RHOXF1: variants seen among roughly 807,000 people sequenced by gnomAD.
RHOXF1 encodes PEPP subfamily gene 1.
A neutral mutation model predicts 9.7 loss-of-function variants in RHOXF1; 1 was observed. The ratio of observed to expected loss-of-function variants is 0.10; its 90% CI spans 0.04 to 0.49. RHOXF1 has a LOEUF of 0.49. Ranked by LOEUF, RHOXF1 falls within the 20% of genes least tolerant of loss-of-function variation. The pLI, the probability that RHOXF1 is intolerant of heterozygous loss-of-function variation, is 0.95. For synonymous variants in RHOXF1, 72 were observed against 70.2 expected, an observed-to-expected ratio of 1.03 and a Z score of -0.13; for missense variants, 179 against 168.0, an observed-to-expected ratio of 1.07 and a Z score of -0.36.
rs911626698 is a variant in RHOXF1 at position 120,112,498 on chromosome X, C to T, written c.444+371G>A. On this transcript the variant is annotated intron_variant, in intron 2 of 2. Transcript: ENST00000217999. ...ACATATATGTGTTATATATAATACA[C>T]ATATATGTATTATATATAATACACA... Among the ~76,000 whole-genome samples the T allele has an allele frequency of 5.2e-4, 31 of 59,293 alleles. 1 individual carries two copies. The highest frequency in any genetic ancestry group is 2.4e-3 in the African/African-American group (30 of 12,409). 51.5% of individuals were successfully genotyped at this position (59,293 alleles called of 115,157 possible).
upstream of RHOXF1, chrX:120,119,840 CTT>C (rs1176101241): frequency 1.8e-5 from 2 of 111,428 alleles, no homozygotes; most frequent in African/African-American, 3.3e-5. Flanking sequence ...TGTTTAATCA[CTT>C]TTTTTTAAGC....
chrX:120,116,093 T>G (rs868981068), upstream of RHOXF1, among the ~76,000 whole-genome samples: 2 of 8,413 alleles, frequency 2.4e-4, no homozygotes, highest in Non-Finnish European at 2.1e-4. Flanking sequence ...GGGTTGTGAG[T>G]GTGGGGTGGG....
chrX:120,112,932 C>T lies in RHOXF1; in HGVS notation c.399-18G>A. ...GTTCCCTTCTGTGGAGAGAAGATCA[C>T]ACATGGTTAGTATTCAAAGTTGTGG... On this transcript the variant is annotated intron_variant, in intron 1 of 2. Transcript: ENST00000217999. The T allele has an allele frequency of 8.9e-7, 1 of 1,124,204 alleles. No homozygotes were observed. Among genetic ancestry groups the T allele is most frequent in the Non-Finnish European group, 1.2e-6 (1 of 819,996 alleles). The allele number at this position is 1,124,204 out of a possible 1,213,427, so 92.6% of individuals were successfully genotyped here. A position where few individuals can be genotyped will look rare whatever the true frequency, so the allele number is the denominator to read the frequency against.
At chrX:120,116,272 T>G (rs868942631), upstream of RHOXF1, 1 of 8,915 alleles carries the variant, frequency 1.1e-4, no homozygotes, top group African/African-American at 4.6e-4. Flanking sequence ...GGGTGCGTGG[T>G]GGGGGTAGGG....
At chrX:120,115,120 T>C (rs1603391035) in intron 1 of RHOXF1, among the ~76,000 whole-genome samples, 1 of 111,581 alleles carries the variant, frequency 9.0e-6, no homozygotes, top group Admixed American at 9.4e-5. Context: ...CTTGGCAAGA[T>C]GAGAAGAATT....
upstream of RHOXF1, chrX:120,117,940 C>G (rs1219831424): frequency 9.0e-6 from 1 of 111,283 alleles, no homozygotes; most frequent in Non-Finnish European, 1.9e-5. Flanking sequence ...AACAGTGTCT[C>G]GATCATAGGG....
chrX:120,109,755 T>C (rs960502983), intron 2 of RHOXF1, among the ~76,000 whole-genome samples: 4 of 110,124 alleles, frequency 3.6e-5, no homozygotes, highest in Non-Finnish European at 7.6e-5. Context: ...CCCAGCTGTT[T>C]TAATTTTTCT....
intron 1 of RHOXF1, among the ~76,000 whole-genome samples, chrX:120,115,205 G>A (rs1354420777): frequency 8.9e-6 from 1 of 111,903 alleles, no homozygotes; most frequent in African/African-American, 3.3e-5. Context: ...GGTTTGGACG[G>A]TAAATTTCAT....
chrX:120,119,541 T>C (rs2057308858), upstream of RHOXF1: 1 of 112,300 alleles, frequency 8.9e-6, no homozygotes, highest in African/African-American at 3.2e-5. Context: ...AACACTCACC[T>C]AAGATGCCTA....
chrX:120,115,540 G>A lies in RHOXF1; in HGVS notation c.323C>T (p.Thr108Met), dbSNP rs1385779747. Residue 108 changes from threonine to methionine, a missense_variant, in exon 1 of 3, where the codon ACG becomes ATG. Thr to Met is a moderately conservative substitution (Grantham distance 81). Coordinates refer to ENST00000217999, the MANE Select transcript of RHOXF1 (RefSeq NM_139282.3). ...PENMQPRTRRTKFTLLQVEEL... is the reference protein window; with the variant it reads ...PENMQPRTRRMKFTLLQVEEL... ...CTCCACCTGCAACAGCGTGAACTTC[G>A]TGCGCCGAGTTCGTGGCTGCATGTT... 8.8e-7 allele frequency: 1 copy of A among 1,138,025 alleles called. No homozygotes were observed. The highest frequency in any genetic ancestry group is 2.1e-5 in the South Asian group (1 of 46,546). The allele number at this position is 1,138,025 out of a possible 1,213,427, so 93.8% of individuals were successfully genotyped here. A position where few individuals can be genotyped will look rare whatever the true frequency, so the allele number is the denominator to read the frequency against.
chrX:120,110,232 T>C (rs2057259274), intron 2 of RHOXF1, among the ~76,000 whole-genome samples: 1 of 112,068 alleles, frequency 8.9e-6, no homozygotes, highest in Non-Finnish European at 1.9e-5. Flanking sequence ...AAGGGATCAT[T>C]CGTCCTCTGG....
At chrX:120,112,936 T>C in intron 1 of RHOXF1, 22 bp from the exon 2 acceptor site, 11 of 1,096,911 alleles carry the variant, frequency 1.0e-5, no homozygotes, top group Non-Finnish European at 1.4e-5. Flanking sequence ...AGATCACACA[T>C]GGTTAGTATT....
At chrX:120,119,299 A>AG (rs1556001016), upstream of RHOXF1, among the ~76,000 whole-genome samples, 1 of 111,975 alleles carries the variant, frequency 8.9e-6, no homozygotes, top group Admixed American at 9.5e-5. Context: ...CAGATTAGCC[A>AG]GCTAGCAAGT....
At chrX:120,117,442 A>C (rs1556000826), upstream of RHOXF1, among the ~76,000 whole-genome samples, 3 of 111,370 alleles carry the variant, frequency 2.7e-5, no homozygotes, top group Non-Finnish European at 3.8e-5. Context: ...TTTTTTAAAA[A>C]TATTTTTAAA....
At chrX:120,120,387 G>T (rs1556001131), upstream of RHOXF1, 5 of 111,712 alleles carry the variant, frequency 4.5e-5, no homozygotes, top group Admixed American at 9.5e-5. Context: ...CCACTGTCGC[G>T]GCCAGAGCCC....
At chrX:120,113,374 G>A (rs782800079) in intron 1 of RHOXF1, among the ~76,000 whole-genome samples, 1 of 109,487 alleles carries the variant, frequency 9.1e-6, no homozygotes, top group Non-Finnish European at 1.9e-5. Flanking sequence ...ACTCCTGCCC[G>A]TCTCAGCCTC....
At chrX:120,115,364 C>T in intron 1 of RHOXF1, 101 bp downstream of exon 1, 1 of 681,217 alleles carries the variant, frequency 1.5e-6, no homozygotes, top group Non-Finnish European at 2.0e-6. Flanking sequence ...AGGCAAGGAC[C>T]CCCAGTGGCT....
chrX:120,115,058 G>C (rs1331449512), intron 1 of RHOXF1, among the ~76,000 whole-genome samples: 1 of 111,437 alleles, frequency 9.0e-6, no homozygotes, highest in Non-Finnish European at 1.9e-5. Flanking sequence ...TGGTTGCCAA[G>C]GGCTGGGGAA....
upstream of RHOXF1, among the ~76,000 whole-genome samples, chrX:120,118,896 T>C (rs1223252907): frequency 9.0e-6 from 1 of 111,677 alleles, no homozygotes; most frequent in Non-Finnish European, 1.9e-5. Flanking sequence ...GAATAAGATA[T>C]ATTAGGCCAA....
Sources: gnomAD v4.1 joint callset for allele counts (sites outside exome capture counted in the v4.1 genomes callset) on GRCh38, gnomAD v4.1.1 for gene constraint, MANE v1.5 for transcripts, NCBI Gene and HGNC (gene_info 2026-07-23, HGNC 2026-07-21) for gene names.